The following FGGY variants were observed in gnomAD, a reference collection of about 807,000 sequenced individuals.
FGGY encodes FGGY carbohydrate kinase domain containing.
FGGY carries 72 observed loss-of-function variants against 71.3 expected under a neutral mutation model. The ratio of observed to expected loss-of-function variants is 1.01; its 90% CI spans 0.84 to 1.23. The LOEUF (loss-of-function observed/expected upper bound fraction) is 1.23, where lower values mean the gene tolerates loss of function less well. FGGY is among the 50% of genes most tolerant of loss of function. The probability of loss-of-function intolerance (pLI) is 0.00; values close to 1 mark genes in which losing one functional copy is unlikely to be tolerated. For missense variants in FGGY, 668 were observed against 682.3 expected (o/e 0.98, Z 0.23); for synonymous variants, 251 against 250.3 (o/e 1.00, Z -0.02).
chr1:59,374,607 A>G (rs1431926316), intron 4 of FGGY, among the ~76,000 whole-genome samples: 2 of 152,074 alleles, frequency 1.3e-5, no homozygotes. Flanking sequence ...ATGCACACGT[A>G]TGTTTATTGC....
chr1:59,640,516 C>T (rs1274107878), intron 11 of FGGY, among the ~76,000 whole-genome samples: 5 of 151,960 alleles, frequency 3.3e-5, no homozygotes, highest in Non-Finnish European at 7.4e-5. Context: ...TGGGAGTGGG[C>T]GAGTGCTTGA....
intron 14 of FGGY, among the ~76,000 whole-genome samples, chr1:59,753,467 AATATATATATAT>A (rs57074120): frequency 0.19 from 8,948 of 47,836 alleles, 644 homozygotes; most frequent in Middle Eastern, 0.32. Context: ...CATAACTTTA[AATATATATATAT>A]ATATATATAT....
At chr1:59,649,092 C>G (rs1490916124) in intron 11 of FGGY, among the ~76,000 whole-genome samples, 1 of 151,998 alleles carries the variant, frequency 6.6e-6, no homozygotes, top group East Asian at 1.9e-4. Context: ...GGGCTCTGTT[C>G]TGTTCCATTG....
Position 59,422,831 on chromosome 1 carries a change from T to C in FGGY, c.555-34130T>C, listed in dbSNP as rs536864106. On this transcript the variant is annotated intron_variant, in intron 5 of 15. Coordinates refer to ENST00000303721, the MANE Select transcript of FGGY (RefSeq NM_018291.5). ...GAAAAGGAAAGGCAACTGATATTTA[T>C]TGAAGGCCTACTATTATAGTAAACT... Among the ~76,000 whole-genome samples the C allele has an allele frequency of 5.3e-5, 8 of 152,334 alleles. No individual in the cohort carries two copies. In the East Asian group the frequency reaches 1.3e-3, roughly 26 times the overall value.
chr1:59,376,602 C>G (rs143842284), intron 4 of FGGY, among the ~76,000 whole-genome samples: 1 of 152,206 alleles, frequency 6.6e-6, no homozygotes, highest in East Asian at 1.9e-4. Flanking sequence ...ACTGAAGCAC[C>G]CCTCACATAA....
chr1:59,654,973 C>T (rs1000967843), intron 11 of FGGY, among the ~76,000 whole-genome samples: 1 of 152,100 alleles, frequency 6.6e-6, no homozygotes, highest in Non-Finnish European at 1.5e-5. Flanking sequence ...AAGAGTCCCC[C>T]CACTCTGTGT....
intron 4 of FGGY, among the ~76,000 whole-genome samples, chr1:59,375,889 T>G (rs914225407): frequency 2.6e-5 from 4 of 151,228 alleles, no homozygotes; most frequent in Non-Finnish European, 4.4e-5. Flanking sequence ...GTTTTTTTTT[T>G]TTTTTTTTTT....
chr1:59,336,964 G>C (rs2049672545), intron 2 of FGGY, among the ~76,000 whole-genome samples: 1 of 147,640 alleles, frequency 6.8e-6, no homozygotes, highest in African/African-American at 2.6e-5. Context: ...TCTCCAGAGG[G>C]ACAAGGCCAG....
At chr1:59,420,203 C>T (rs2065174569) in intron 5 of FGGY, among the ~76,000 whole-genome samples, 1 of 152,222 alleles carries the variant, frequency 6.6e-6, no homozygotes, top group Admixed American at 6.5e-5. Flanking sequence ...TAGCTTCTCT[C>T]TCTCTGTACA....
In FGGY at chr1:59,496,744, TA is replaced by T. The variant is rs1487591253; in HGVS notation, c.671-15560del. 1.1e-4 allele frequency among the ~76,000 whole-genome samples: 16 copies of T among 152,232 alleles called. No individual in the cohort carries two copies. In the East Asian group the frequency reaches 1.5e-3, roughly 15 times the overall value. ...AATAAAATGTGGTTACTAGATTGAT[TA>T]AAAAAATGTCTACAATCAAATCAGG... On this transcript the variant is annotated intron_variant, in intron 6 of 15. Transcript: ENST00000303721.
chr1:59,691,475 C>T (rs867869376), intron 14 of FGGY, among the ~76,000 whole-genome samples: 4 of 152,056 alleles, frequency 2.6e-5, no homozygotes, highest in Non-Finnish European at 5.9e-5. Context: ...TGTCATGGCA[C>T]TGGTGAATTA....
chr1:59,455,201 C>T (rs1057314925), intron 5 of FGGY, among the ~76,000 whole-genome samples: 1 of 152,100 alleles, frequency 6.6e-6, no homozygotes, highest in African/African-American at 2.4e-5. Flanking sequence ...AAGACAGTTA[C>T]TGTGGTAAAT....
intron 11 of FGGY, among the ~76,000 whole-genome samples, chr1:59,651,809 TG>T (rs1340965052): frequency 6.6e-6 from 1 of 151,366 alleles, no homozygotes; most frequent in African/African-American, 2.4e-5. Context: ...TGTTAGCTGG[TG>T]ATTTTGCTCG....
intron 8 of FGGY, among the ~76,000 whole-genome samples, chr1:59,585,333 T>C (rs1424639917): frequency 2.0e-5 from 3 of 152,030 alleles, no homozygotes; most frequent in Non-Finnish European, 4.4e-5. Context: ...TGCAGACCAA[T>C]GGAACAGAAC....
intron 10 of FGGY, among the ~76,000 whole-genome samples, chr1:59,630,457 T>C (rs1033645291): frequency 3.3e-5 from 5 of 152,178 alleles, no homozygotes; most frequent in Non-Finnish European, 1.5e-5. Flanking sequence ...CTTGAGTTCT[T>C]GTACCTGTTC....
intron 11 of FGGY, among the ~76,000 whole-genome samples, chr1:59,646,578 T>A (rs945733058): frequency 6.6e-6 from 1 of 151,552 alleles, no homozygotes; most frequent in African/African-American, 2.4e-5. Flanking sequence ...ATATATATAT[T>A]TTACTGAAGT....
intron 12 of FGGY, among the ~76,000 whole-genome samples, chr1:59,666,786 G>T (rs1420029372): frequency 6.6e-6 from 1 of 152,122 alleles, no homozygotes; most frequent in Non-Finnish European, 1.5e-5. Context: ...TCTTTATGCA[G>T]TTAGAGCCCT....
chr1:59,372,861 C>A (rs1026801280), intron 4 of FGGY, among the ~76,000 whole-genome samples: 1 of 143,928 alleles, frequency 6.9e-6, no homozygotes, highest in Non-Finnish European at 1.5e-5. Context: ...ATTCAACAAC[C>A]CTTCATGCTA....
At chr1:59,460,170 T>C (rs1198209225) in intron 6 of FGGY, among the ~76,000 whole-genome samples, 2 of 152,084 alleles carry the variant, frequency 1.3e-5, no homozygotes, top group Non-Finnish European at 2.9e-5. Flanking sequence ...ACAGACTGTA[T>C]CTGGAAAATC....
Sources: allele counts gnomAD v4.1 joint callset (sites outside exome capture counted in the v4.1 genomes callset), GRCh38; gene constraint gnomAD v4.1.1; transcripts MANE v1.5; gene names NCBI Gene and HGNC (gene_info 2026-07-23, HGNC 2026-07-21).